Variants in CHD9 observed in about 807,000 individuals in gnomAD.
The protein encoded by CHD9 is chromodomain helicase DNA binding protein 9.
CHD9 carries 77 observed loss-of-function variants against 316.1 expected under a neutral mutation model. That is an observed-to-expected ratio of 0.24 (90% CI 0.20 to 0.29). The LOEUF is 0.29. Among genes scored for constraint, CHD9 ranks in the 10% least tolerant of loss-of-function variants. The pLI is 1.00. For missense variants in CHD9, 2,763 were observed against 3,438.1 expected (o/e 0.80, Z 4.91); for synonymous variants, 1,129 against 1,158.3 (o/e 0.97, Z 0.51).
At chr16:53,254,640 T>C (rs991147168) in intron 18 of CHD9, 35 bp downstream of exon 18, 1 of 1,545,758 alleles carries the variant, frequency 6.5e-7, no homozygotes, top group African/African-American at 1.4e-5. Context: ...GAGATTTTTG[T>C]GTGTTTTTGC....
At position 53,157,314 on chromosome 16, in the gene CHD9, C is replaced by T. The variant is rs2041586577; in HGVS notation, c.1225C>T (p.Leu409Phe). The stretch of plus-strand genomic sequence containing the variant: ...ATTCACAGGACTTGACCCCGAGGAC[C>T]TCCTTCAGGAGGGTCTTCTTCCTCA... ...EPFTGLDPED[L>F]LQEGLLPHFD... is the part of the protein sequence containing the mutation. The change falls in exon 2 of 39, where the codon CTC becomes TTC. Residue 409 changes from leucine (L) to phenylalanine (F), a missense_variant. By Grantham distance (22) the Leu-to-Phe change is conservative. Transcript: ENST00000447540. The T allele has an allele frequency of 6.2e-7, 1 of 1,613,212 alleles. No homozygotes were observed. Among genetic ancestry groups the T allele is most frequent in the African/African-American group, 1.3e-5 (1 of 74,908 alleles).
At chr16:53,280,126 A>C (rs2053261938) in intron 24 of CHD9, among the ~76,000 whole-genome samples, 1 of 152,218 alleles carries the variant, frequency 6.6e-6, no homozygotes, top group Non-Finnish European at 1.5e-5. Context: ...TTCCTTAAAG[A>C]GATAAAAGTA....
In CHD9 at chr16:53,288,010, T is replaced by C. The variant is rs540737656; in HGVS notation, c.5243T>C (p.Ile1748Thr). Reference sequence around the variant, plus strand: ...GCCCCAGCCATCTTTAAAGATGATATAGAGGTATGCATTGGATCATATTTT... The same window carrying C: ...GCCCCAGCCATCTTTAAAGATGATACAGAGGTATGCATTGGATCATATTTT... ...KPAPAIFKDDIEDDVSSPGDL... is the reference protein window; with the variant it reads ...KPAPAIFKDDTEDDVSSPGDL... Residue 1748 changes from isoleucine to threonine, a missense_variant, in exon 27 of 39, where the codon ATA becomes ACA. Ile to Thr is a moderately conservative substitution (Grantham distance 89, BLOSUM62 -1). This residue lies in a region of CHD9 where 183 missense variants were observed against 258.5 expected (regional missense o/e 0.71). Transcript: ENST00000447540. 30 of 1,604,406 alleles carry C rather than the reference T, an allele frequency of 1.9e-5. No homozygotes were observed. Among genetic ancestry groups the C allele is most frequent in the Middle Eastern group, 3.3e-4 (2 of 6,050 alleles).
At chr16:53,307,538 TA>T in intron 32 of CHD9, 142 bp from the exon 33 acceptor site, 1 of 677,610 alleles carries the variant, frequency 1.5e-6, no homozygotes, top group East Asian at 2.8e-5. Flanking sequence ...AGAATTGTAA[TA>T]TATATATACA....
At chr16:53,272,428 G>A (rs2052364279) in intron 22 of CHD9, among the ~76,000 whole-genome samples, 2 of 151,972 alleles carry the variant, frequency 1.3e-5, no homozygotes. Context: ...CCATTGTAGT[G>A]GAGTACCCAC....
At chr16:53,215,690 G>A (rs1286165924) in intron 3 of CHD9, among the ~76,000 whole-genome samples, 3 of 152,016 alleles carry the variant, frequency 2.0e-5, no homozygotes, top group Admixed American at 2.0e-4. Flanking sequence ...TGGACTAATT[G>A]GGTAAGATTC....
At chr16:53,092,476 G>A (rs2036027966) in intron 1 of CHD9, among the ~76,000 whole-genome samples, 1 of 152,054 alleles carries the variant, frequency 6.6e-6, no homozygotes, top group South Asian at 2.1e-4. Context: ...AGGGCCCTTG[G>A]GCTGCTGGGT....
chr16:53,093,074 C>G (rs1243650530), intron 1 of CHD9, among the ~76,000 whole-genome samples: 5 of 152,196 alleles, frequency 3.3e-5, no homozygotes, highest in Non-Finnish European at 7.3e-5. Context: ...CCATTATGCC[C>G]TGCTGCATCT....
At chr16:53,266,993 T>C (rs2051759985) in intron 20 of CHD9, among the ~76,000 whole-genome samples, 1 of 152,102 alleles carries the variant, frequency 6.6e-6, no homozygotes, top group South Asian at 2.1e-4. Context: ...TAAAGAAAAA[T>C]TATAAGGCAT....
chr16:53,140,038 G>T (rs551324581), intron 1 of CHD9, among the ~76,000 whole-genome samples: 1 of 151,974 alleles, frequency 6.6e-6, no homozygotes, highest in East Asian at 1.9e-4. Flanking sequence ...GGCAGAGGTT[G>T]CAGTGAACTG....
At chr16:53,277,165 T>G (rs2052926434) in intron 24 of CHD9, among the ~76,000 whole-genome samples, 1 of 152,180 alleles carries the variant, frequency 6.6e-6, no homozygotes, top group South Asian at 2.1e-4. Context: ...AACAGCTGAA[T>G]TCTACCAGAC....
chr16:53,287,884 A>G (rs1017566432), intron 26 of CHD9, 73 bp from the exon 27 acceptor site: 12 of 1,242,922 alleles, frequency 9.7e-6, no homozygotes, highest in Non-Finnish European at 1.4e-5. Context: ...AAACCCTCCA[A>G]CAAGACTTTG....
At chr16:53,308,521 A>G (rs184629713) in intron 33 of CHD9, among the ~76,000 whole-genome samples, 165 bp from the exon 34 acceptor site, 7 of 152,280 alleles carry the variant, frequency 4.6e-5, no homozygotes, top group Admixed American at 1.3e-4. Context: ...ATAGAAATTG[A>G]TTTAAAATGT....
At chr16:53,243,340 T>G (rs1188772448) in intron 13 of CHD9, among the ~76,000 whole-genome samples, 4 of 152,108 alleles carry the variant, frequency 2.6e-5, no homozygotes, top group Non-Finnish European at 5.9e-5. Flanking sequence ...TAAGATGGAG[T>G]TTCTCTCTTG....
chr16:53,287,266 C>G (rs754298175), intron 26 of CHD9, among the ~76,000 whole-genome samples: 11 of 152,116 alleles, frequency 7.2e-5, no homozygotes, highest in Non-Finnish European at 1.0e-4. Context: ...CCATCATGGA[C>G]CAGCTTTTTT....
intron 1 of CHD9, among the ~76,000 whole-genome samples, chr16:53,102,905 G>A (rs997655213): frequency 2.0e-5 from 3 of 152,030 alleles, no homozygotes; most frequent in Non-Finnish European, 2.9e-5. Flanking sequence ...GAGTGCATTG[G>A]CGCAGTCTCG....
intron 1 of CHD9, among the ~76,000 whole-genome samples, chr16:53,083,192 T>C (rs2035180049): frequency 6.6e-6 from 1 of 152,204 alleles, no homozygotes. Flanking sequence ...TCCACCAAAA[T>C]GGCTTGCATA....
At chr16:53,141,649 G>A (rs1363121664) in intron 1 of CHD9, among the ~76,000 whole-genome samples, 1 of 152,114 alleles carries the variant, frequency 6.6e-6, no homozygotes, top group Non-Finnish European at 1.5e-5. Flanking sequence ...AGTATTTACT[G>A]TGTGGCAGGA....
chr16:53,189,513 C>T (rs1284245345), intron 2 of CHD9, among the ~76,000 whole-genome samples: 4 of 151,440 alleles, frequency 2.6e-5, no homozygotes, highest in East Asian at 3.9e-4. Context: ...TCCTACTTGT[C>T]GATGGTATGT....
Sources: allele counts gnomAD v4.1 joint callset (sites outside exome capture counted in the v4.1 genomes callset), GRCh38; gene constraint gnomAD v4.1.1; regional missense constraint gnomAD v4.1.1; transcripts MANE v1.5; gene names NCBI Gene and HGNC (gene_info 2026-07-23, HGNC 2026-07-21).